The following FAM227A variants were observed in gnomAD, a reference collection of about 807,000 sequenced individuals.
FAM227A encodes the protein protein FAM227A.
In FAM227A, 80 loss-of-function variants were observed where a neutral mutation model predicts 74.7. That is an observed-to-expected ratio of 1.07 (90% CI 0.89 to 1.29). The LOEUF (loss-of-function observed/expected upper bound fraction) is 1.29. Ranked by LOEUF, FAM227A falls within the 50% of genes most tolerant of loss-of-function variation. The pLI, the probability that FAM227A is intolerant of heterozygous loss-of-function variation, is 0.00. For synonymous variants in FAM227A, 237 were observed against 241.8 expected (o/e 0.98, Z 0.19); for missense variants, 654 against 683.4 (o/e 0.96, Z 0.48).
At chr22:38,646,243 TATTTC>T in intron 2 of FAM227A, among the ~76,000 whole-genome samples, 1 of 133,700 alleles carries the variant, frequency 7.5e-6, no homozygotes, top group African/African-American at 2.9e-5. Context: ...TTCCTTCCAG[TATTTC>T]TTTTTTTTTT....
chr22:38,650,289 A>G, intron 1 of FAM227A, 27 bp from the exon 2 acceptor site: 5 of 994,646 alleles, frequency 5.0e-6, no homozygotes, highest in Non-Finnish European at 5.9e-6. Context: ...GCATAGAGCC[A>G]GCTCAGAAAA....
chr22:38,620,220 G>T lies in FAM227A; in HGVS notation c.1030C>A (p.His344Asn), dbSNP rs537875615. 7.1e-6 allele frequency: 11 copies of T among 1,550,700 alleles called. No individual in the cohort carries two copies. In the African/African-American group the frequency reaches 1.4e-4, roughly 19 times the overall value. ...CGTGCCTCCCCACTTACCTGAGGGT[G>T]GTAGAATTTCCTGCTCTGGGCTGGC... Reference protein sequence around the residue: ...QKPAQSRKFYHPQSSSANSPS... With the variant: ...QKPAQSRKFYNPQSSSANSPS... Residue 344 changes from histidine to asparagine, a missense_variant, in exon 11 of 17, where the codon CAC becomes AAC. By Grantham distance (68) the His-to-Asn change is moderately conservative (BLOSUM62 1). Coordinates refer to ENST00000535113, the MANE Select transcript of FAM227A (RefSeq NM_001013647.2).
At position 38,655,864 on chromosome 22, in the gene FAM227A, A is replaced by ACC. The variant is rs552934042; in HGVS notation, c.-95+254_-95+255dup. On this transcript the variant is annotated intron_variant, in intron 1 of 16. Coordinates refer to ENST00000535113, the MANE Select transcript of FAM227A (RefSeq NM_001013647.2). ...TGCCCCTCACTGGATGCCCTGATAC[A>ACC]CCCACTAGGCAGCCGGTAAACTCCT... Among the ~76,000 whole-genome samples, 371 of 152,244 alleles carry ACC rather than the reference A, an allele frequency of 2.4e-3. 3 individuals are homozygous for ACC. Among genetic ancestry groups the ACC allele is most frequent in the African/African-American group, 8.4e-3 (349 of 41,540 alleles).
chr22:38,612,286 T>C (rs867034783), intron 11 of FAM227A, among the ~76,000 whole-genome samples: 1 of 152,264 alleles, frequency 6.6e-6, no homozygotes, highest in Non-Finnish European at 1.5e-5. Flanking sequence ...CTTTCTATGA[T>C]GCTTACAACT....
intron 2 of FAM227A, among the ~76,000 whole-genome samples, chr22:38,648,979 A>G (rs1417453798): frequency 6.6e-6 from 1 of 152,038 alleles, no homozygotes; most frequent in Non-Finnish European, 1.5e-5. Context: ...CTCAAAAAAA[A>G]AAAAAAGAAA....
rs1396185327 is a variant in FAM227A, at chr22:38,650,076, C to A, written c.93G>T (p.Arg31=). 6.4e-7 allele frequency: 1 copy of A among 1,552,106 alleles called. No individual in the cohort carries two copies. The highest frequency in any genetic ancestry group is 8.7e-7 in the Non-Finnish European group (1 of 1,147,084). The change falls in exon 2 of 17, where the codon CGG becomes CGT. Residue 31 remains arginine (R), a synonymous_variant. Coordinates refer to ENST00000535113, the MANE Select transcript of FAM227A (RefSeq NM_001013647.2). ...DEHLAVSLVA[R]NTMVKTVRKE... ...TCCTCACAGTCTTCACCATTGTATT[C>A]CGTGCGACAAGCGAGACAGCCAGGT...
intron 3 of FAM227A, among the ~76,000 whole-genome samples, chr22:38,641,007 T>A (rs1225395104): frequency 6.6e-6 from 1 of 152,110 alleles, no homozygotes; most frequent in Middle Eastern, 3.2e-3. Flanking sequence ...GCATGAGGAA[T>A]GAATTGGATG....
intron 6 of FAM227A, among the ~76,000 whole-genome samples, chr22:38,635,716 G>A (rs1278969138): frequency 6.6e-6 from 1 of 152,204 alleles, no homozygotes; most frequent in Admixed American, 6.5e-5. Flanking sequence ...CAATTGGCTG[G>A]GCATAGTGGT....
At chr22:38,652,595 A>G (rs2092338579) in intron 1 of FAM227A, among the ~76,000 whole-genome samples, 1 of 141,850 alleles carries the variant, frequency 7.0e-6, no homozygotes, top group African/African-American at 2.6e-5. Flanking sequence ...CTCAAGAAAA[A>G]AAAAAAAAAG....
Position 38,585,951 on chromosome 22 carries a change from C to A in FAM227A, c.*174G>T. ...TGACCCAAGCACCAACTCTCTACTC[C>A]TGCTTTTCACTCAGCCTAGGAAAAA... is the stretch of plus-strand genomic sequence containing the variant. On this transcript the variant is annotated 3_prime_UTR_variant, in exon 17 of 17. Coordinates refer to ENST00000535113, the MANE Select transcript of FAM227A (RefSeq NM_001013647.2). 1 of 1,447,768 alleles carries A rather than the reference C, an allele frequency of 6.9e-7. No homozygotes were observed. The highest frequency in any genetic ancestry group is 9.2e-7 in the Non-Finnish European group (1 of 1,088,268). The allele number at this position is 1,447,768 out of a possible 1,614,324, so 89.7% of individuals were successfully genotyped here.
At chr22:38,630,868 G>C (rs1342831159) in intron 6 of FAM227A, among the ~76,000 whole-genome samples, 2 of 152,270 alleles carry the variant, frequency 1.3e-5, no homozygotes, top group East Asian at 1.9e-4. Context: ...ACAGTGTTAC[G>C]AGTAAAAATA....
At chr22:38,593,834 GTGTGCGC>G (rs2090989584) in intron 15 of FAM227A, among the ~76,000 whole-genome samples, 1 of 152,132 alleles carries the variant, frequency 6.6e-6, no homozygotes, top group Non-Finnish European at 1.5e-5. Context: ...GGGATTACAG[GTGTGCGC>G]CACTACCACC....
chr22:38,585,952 T>C lies in FAM227A; in HGVS notation c.*173A>G. ...GACCCAAGCACCAACTCTCTACTCC[T>C]GCTTTTCACTCAGCCTAGGAAAAAC... On this transcript the variant is annotated 3_prime_UTR_variant, in exon 17 of 17. Coordinates refer to ENST00000535113, the MANE Select transcript of FAM227A (RefSeq NM_001013647.2). The C allele has an allele frequency of 6.9e-7, 1 of 1,452,406 alleles. No homozygotes were observed. Among genetic ancestry groups the C allele is most frequent in the East Asian group, 2.5e-5 (1 of 40,204 alleles). 90.0% of individuals were successfully genotyped at this position (1,452,406 alleles called of 1,614,324 possible).
intron 5 of FAM227A, among the ~76,000 whole-genome samples, chr22:38,636,970 A>G (rs1014572467): frequency 6.6e-6 from 1 of 151,806 alleles, no homozygotes; most frequent in African/African-American, 2.4e-5. Context: ...CAGGGTTTCT[A>G]CTAAAAACTG....
At chr22:38,605,706 AC>A (rs1390547995) in intron 12 of FAM227A, among the ~76,000 whole-genome samples, 1 of 152,206 alleles carries the variant, frequency 6.6e-6, no homozygotes, top group African/African-American at 2.4e-5. Context: ...CCTCTTTGAT[AC>A]ATGGGTCTTT....
At chr22:38,629,615 G>C (rs893155388) in intron 6 of FAM227A, among the ~76,000 whole-genome samples, 1 of 152,282 alleles carries the variant, frequency 6.6e-6, no homozygotes, top group Non-Finnish European at 1.5e-5. Flanking sequence ...ACATGGGCCA[G>C]GAGGTTCCAA....
In FAM227A at chr22:38,650,716, G is replaced by A. The variant is rs143606414; in HGVS notation, c.-94-454C>T. ...AATAAGGGGTCCATCTCCTCAGCGCGAGGCTCCTGATCAACCTGAAGCTTT... is the reference window on the plus strand; with the variant it reads ...AATAAGGGGTCCATCTCCTCAGCGCAAGGCTCCTGATCAACCTGAAGCTTT... On this transcript the variant is annotated intron_variant, in intron 1 of 16. Transcript: ENST00000535113. Among the ~76,000 whole-genome samples the A allele has an allele frequency of 4.6e-5, 7 of 152,194 alleles. No individual in the cohort carries two copies. In the East Asian group the frequency reaches 9.7e-4, roughly 21 times the overall value.
intron 9 of FAM227A, 65 bp downstream of exon 9, chr22:38,626,115 C>T (rs1387775694): frequency 1.4e-5 from 22 of 1,518,356 alleles, no homozygotes; most frequent in Non-Finnish European, 1.9e-5. Context: ...AATAACATAC[C>T]TAGGTGCCAG....
intron 2 of FAM227A, among the ~76,000 whole-genome samples, chr22:38,646,248 CTTTTTTTTTTTTTTTTTT>C (rs1165890437): frequency 4.9e-5 from 4 of 82,398 alleles, no homozygotes; most frequent in Admixed American, 1.5e-4. Context: ...TCCAGTATTT[CTTTTTTTTTTTTTTTTTT>C]TTTTTTTTTT....
Sources: gnomAD v4.1 joint callset for allele counts (sites outside exome capture counted in the v4.1 genomes callset) on GRCh38, gnomAD v4.1.1 for gene constraint, MANE v1.5 for transcripts, NCBI Gene and HGNC (gene_info 2026-07-23, HGNC 2026-07-21) for gene names.